PLD5: variants seen among roughly 807,000 people sequenced by gnomAD.
The protein encoded by PLD5 is phospholipase D family member 5.
A neutral mutation model predicts 61.1 loss-of-function variants in PLD5; 36 were observed. The ratio of observed to expected loss-of-function variants is 0.59; its 90% CI spans 0.45 to 0.78. The LOEUF (loss-of-function observed/expected upper bound fraction) is 0.78. Among genes scored for constraint, PLD5 ranks in the 30% least tolerant of loss-of-function variants. The pLI is 0.00. For synonymous variants in PLD5, 243 were observed against 242.8 expected, an observed-to-expected ratio of 1.00 and a Z score of -0.01; for missense variants, 515 against 644.4, an observed-to-expected ratio of 0.80 and a Z score of 2.17.
chr1:242,221,901 T>C (rs981437463), intron 4 of PLD5, among the ~76,000 whole-genome samples: 3 of 152,172 alleles, frequency 2.0e-5, no homozygotes, highest in Non-Finnish European at 2.9e-5. Context: ...AGGTCTGCTA[T>C]AACAAAGTAC....
At chr1:242,279,548 T>G in intron 3 of PLD5, among the ~76,000 whole-genome samples, 1 of 152,118 alleles carries the variant, frequency 6.6e-6, no homozygotes, top group Admixed American at 6.5e-5. Context: ...TCATTTTTTT[T>G]TTTCGAGACC....
intron 1 of PLD5, among the ~76,000 whole-genome samples, chr1:242,368,161 G>A (rs529766925): frequency 6.6e-5 from 10 of 152,222 alleles, no homozygotes; most frequent in Admixed American, 5.2e-4. Context: ...TCTAACAAGG[G>A]ACTTTTGCTG....
intron 1 of PLD5, among the ~76,000 whole-genome samples, chr1:242,402,831 T>A (rs1664015941): frequency 6.6e-6 from 1 of 152,212 alleles, no homozygotes; most frequent in Non-Finnish European, 1.5e-5. Context: ...TTCCTATGTA[T>A]AAACTAAAAA....
At chr1:242,315,459 A>G (rs1253426614) in intron 2 of PLD5, among the ~76,000 whole-genome samples, 1 of 152,186 alleles carries the variant, frequency 6.6e-6, no homozygotes, top group Non-Finnish European at 1.5e-5. Context: ...CGGGAAATAC[A>G]GAAGAAAAAT....
At chr1:242,265,080 C>A (rs1253620535) in intron 4 of PLD5, among the ~76,000 whole-genome samples, 4 of 152,292 alleles carry the variant, frequency 2.6e-5, no homozygotes, top group East Asian at 1.9e-4. Flanking sequence ...TAAGATTCTT[C>A]TTTCCAGTTA....
At chr1:242,306,382 C>A (rs867925124) in intron 2 of PLD5, among the ~76,000 whole-genome samples, 11 of 151,944 alleles carry the variant, frequency 7.2e-5, no homozygotes, top group African/African-American at 2.7e-4. Context: ...TGATCCTGAA[C>A]CTCCCCTTCC....
chr1:242,148,252 C>T (rs1664672254), intron 5 of PLD5, among the ~76,000 whole-genome samples: 1 of 110,242 alleles, frequency 9.1e-6, no homozygotes, highest in Admixed American at 8.2e-5. Flanking sequence ...GTTCTAGTAA[C>T]ACTTGTTGAA....
chr1:242,281,991 C>A (rs1674744320), intron 3 of PLD5, among the ~76,000 whole-genome samples: 1 of 152,186 alleles, frequency 6.6e-6, no homozygotes, highest in African/African-American at 2.4e-5. Context: ...AAACTCTAAT[C>A]CCCTTCTAAT....
At chr1:242,469,526 T>C (rs1435222874) in intron 1 of PLD5, among the ~76,000 whole-genome samples, 1 of 152,190 alleles carries the variant, frequency 6.6e-6, no homozygotes, top group Non-Finnish European at 1.5e-5. Flanking sequence ...AAAAGCTTTG[T>C]TTTCGATAGG....
rs112188909 is a variant in PLD5, at chr1:242,289,641, C to T, written c.327-1111G>A. Among the ~76,000 whole-genome samples, 944 of 152,244 alleles carry T rather than the reference C, an allele frequency of 6.2e-3. 8 individuals are homozygous for T. Among genetic ancestry groups the T allele is most frequent in the African/African-American group, 0.022 (898 of 41,540 alleles). On this transcript the variant is annotated intron_variant, in intron 2 of 9. Coordinates refer to ENST00000536534, the MANE Select transcript of PLD5 (RefSeq NM_001372062.1). The stretch of plus-strand genomic sequence containing the variant: ...AAGTGCTAGGATTATAGGCATGAGC[C>T]ACTGCACCCAGCCTCCTGCAATTCT...
chr1:242,526,369 C>A (rs1479767192), upstream of PLD5, among the ~76,000 whole-genome samples: 4 of 152,148 alleles, frequency 2.6e-5, no homozygotes, highest in African/African-American at 7.2e-5. Context: ...CAGGGCAAGA[C>A]CCTGTCGGAG....
intron 1 of PLD5, among the ~76,000 whole-genome samples, chr1:242,520,340 C>T (rs536757680): frequency 5.5e-4 from 84 of 152,176 alleles, no homozygotes; most frequent in Non-Finnish European, 1.0e-3. Flanking sequence ...TCGTGGTGTC[C>T]GAGTCTCTGA....
chr1:242,197,796 G>A (rs1327385385), intron 5 of PLD5, among the ~76,000 whole-genome samples: 4 of 151,956 alleles, frequency 2.6e-5, no homozygotes, highest in South Asian at 4.2e-4. Flanking sequence ...CATTATGCCC[G>A]GCTAATTTTT....
intron 5 of PLD5, among the ~76,000 whole-genome samples, chr1:242,157,911 C>T (rs545249031): frequency 4.6e-5 from 7 of 152,212 alleles, no homozygotes; most frequent in Non-Finnish European, 1.0e-4. Flanking sequence ...GAAGCTGTGC[C>T]CACAGCTGTC....
At chr1:242,336,063 A>G (rs1356063887) in intron 2 of PLD5, among the ~76,000 whole-genome samples, 1 of 152,230 alleles carries the variant, frequency 6.6e-6, no homozygotes, top group East Asian at 1.9e-4. Context: ...AGAAGTAAAC[A>G]TGTCTCAAAA....
At chr1:242,416,429 G>GATTC in intron 1 of PLD5, among the ~76,000 whole-genome samples, 1 of 152,188 alleles carries the variant, frequency 6.6e-6, no homozygotes, top group African/African-American at 2.4e-5. Context: ...TTAAGAGAAG[G>GATTC]ATTCAGTATG....
chr1:242,279,108 T>C (rs61486794), intron 3 of PLD5, among the ~76,000 whole-genome samples: 1,523 of 152,290 alleles, frequency 0.01, 30 homozygotes, highest in African/African-American at 0.035. Context: ...ACGATGTGGG[T>C]CCTAGAGTCC....
intron 9 of PLD5, among the ~76,000 whole-genome samples, chr1:242,094,338 A>C (rs1357497723): frequency 6.6e-6 from 1 of 152,068 alleles, no homozygotes; most frequent in African/African-American, 2.4e-5. Context: ...TCTTCTAGAC[A>C]AGTTTGCAGA....
At chr1:242,194,610 C>CTATCTATCTATG (rs1558328654) in intron 5 of PLD5, among the ~76,000 whole-genome samples, 68 of 78,496 alleles carry the variant, frequency 8.7e-4, no homozygotes, top group East Asian at 6.9e-4. Flanking sequence ...ATCTATGTAT[C>CTATCTATCTATG]TATCTATGTA....
Sources: allele counts gnomAD v4.1 joint callset (sites outside exome capture counted in the v4.1 genomes callset), GRCh38; gene constraint gnomAD v4.1.1; transcripts MANE v1.5; gene names NCBI Gene and HGNC (gene_info 2026-07-23, HGNC 2026-07-21).